Variants in PRTG observed in about 807,000 individuals in gnomAD.
PRTG encodes immunoglobulin superfamily, DCC subclass, member 5.
PRTG carries 67 observed loss-of-function variants against 122.5 expected under a neutral mutation model. The ratio of observed to expected loss-of-function variants is 0.55; its 90% confidence interval spans 0.45 to 0.67. The LOEUF is 0.67. PRTG is among the 30% of genes least tolerant of loss of function. PRTG has a pLI of 0.00. For synonymous variants in PRTG, 554 were observed against 501.1 expected (o/e 1.11, Z -1.41); for missense variants, 1,435 against 1,415.4 (o/e 1.01, Z -0.22).
chr15:55,669,117 G>C (rs1045401060), intron 11 of PRTG, among the ~76,000 whole-genome samples: 1 of 151,304 alleles, frequency 6.6e-6, no homozygotes, highest in African/African-American at 2.4e-5. Flanking sequence ...TTACCAAGGA[G>C]AGTATGTCCC....
At chr15:55,676,093 AAT>A (rs981165183) in intron 8 of PRTG, among the ~76,000 whole-genome samples, 1 of 152,112 alleles carries the variant, frequency 6.6e-6, no homozygotes, top group African/African-American at 2.4e-5. Context: ...TAGGGAATGT[AAT>A]GGCTCCACTC....
At chr15:55,724,314 TTCAA>T (rs1231507710) in intron 2 of PRTG, among the ~76,000 whole-genome samples, 17 of 152,208 alleles carry the variant, frequency 1.1e-4, no homozygotes, top group African/African-American at 4.1e-4. Context: ...TATTTCTCCC[TTCAA>T]TCAGTGTCAG....
rs1256033956 is a variant in PRTG, at chr15:55,612,853, T to C, written c.*7159A>G. On this transcript the variant is annotated 3_prime_UTR_variant, in exon 20 of 20. Coordinates refer to ENST00000389286, the MANE Select transcript of PRTG (RefSeq NM_173814.6). ...TCCACCTAACATATGAGTGTTTCCA[T>C]TTCAGCTATATCTTTTACCAACCAC... 2 of 151,522 alleles carry C rather than the reference T, an allele frequency of 1.3e-5. No individual in the cohort carries two copies. Among genetic ancestry groups the C allele is most frequent in the East Asian group, 3.8e-4 (2 of 5,202 alleles). 9.4% of individuals were successfully genotyped at this position (151,522 alleles called of 1,614,324 possible).
At chr15:55,625,507 A>G (rs1397030862) in intron 17 of PRTG, among the ~76,000 whole-genome samples, 2 of 151,606 alleles carry the variant, frequency 1.3e-5, no homozygotes, top group African/African-American at 4.9e-5. Context: ...GGTGGAGTGC[A>G]GTGCTACGAT....
chr15:55,677,581 A>G (rs2059509730), intron 8 of PRTG, among the ~76,000 whole-genome samples: 1 of 152,206 alleles, frequency 6.6e-6, no homozygotes, highest in Admixed American at 6.6e-5. Context: ...ATTGTTTCTA[A>G]ACAGAAAAAT....
chr15:55,664,722 G>A (rs1385789694), intron 11 of PRTG, among the ~76,000 whole-genome samples: 1 of 151,800 alleles, frequency 6.6e-6, no homozygotes, highest in Non-Finnish European at 1.5e-5. Context: ...GTGTATCTGG[G>A]ATCACAGGCA....
intron 2 of PRTG, among the ~76,000 whole-genome samples, chr15:55,735,988 G>C (rs1455556235): frequency 1.3e-5 from 2 of 152,154 alleles, no homozygotes; most frequent in Non-Finnish European, 2.9e-5. Flanking sequence ...CCAATTTTAA[G>C]TTAAACATAA....
intron 11 of PRTG, among the ~76,000 whole-genome samples, chr15:55,648,760 G>T (rs2059337462): frequency 6.6e-6 from 1 of 152,156 alleles, no homozygotes; most frequent in Non-Finnish European, 1.5e-5. Context: ...GGCTATCTTG[G>T]ATAAGTATTT....
chr15:55,717,121 C>A (rs2030629449), intron 2 of PRTG, among the ~76,000 whole-genome samples: 1 of 152,120 alleles, frequency 6.6e-6, no homozygotes, highest in Non-Finnish European at 1.5e-5. Context: ...CCTGATATCA[C>A]AAGAGATTTG....
chr15:55,720,971 C>A (rs1272281453), intron 2 of PRTG, among the ~76,000 whole-genome samples: 1 of 152,128 alleles, frequency 6.6e-6, no homozygotes, highest in Non-Finnish European at 1.5e-5. Flanking sequence ...ACCTAGACAT[C>A]CCACAGTCAC....
chr15:55,664,596 T>C (rs79290263), intron 11 of PRTG, among the ~76,000 whole-genome samples: 1,611 of 152,306 alleles, frequency 0.011, 9 homozygotes, highest in Non-Finnish European at 0.017. Context: ...TTTTTGTTTG[T>C]TTTTGAGACA....
intron 11 of PRTG, among the ~76,000 whole-genome samples, chr15:55,646,100 G>A (rs529379848): frequency 3.8e-4 from 57 of 151,368 alleles, no homozygotes; most frequent in African/African-American, 1.2e-3. Context: ...TCCTCCTCCC[G>A]CATTCAAGCA....
rs879481517 is a variant in PRTG, at chr15:55,629,403, G to T, written c.2624-399C>A. Among the ~76,000 whole-genome samples, 656 of 114,326 alleles carry T rather than the reference G, an allele frequency of 5.7e-3. 4 individuals carry two copies. The highest frequency in any genetic ancestry group is 7.5e-3 in the Non-Finnish European group (427 of 56,818). 75.0% of individuals were successfully genotyped at this position (114,326 alleles called of 152,430 possible). On this transcript the variant is annotated intron_variant, in intron 15 of 19. Coordinates refer to ENST00000389286, the MANE Select transcript of PRTG (RefSeq NM_173814.6). ...TGTGTGTGTGTGTGTGTGTGTGTGT[G>T]TGTGTGTGTGTGTGTGTGTGTGTGT...
rs1432502079 is a variant in PRTG at position 55,618,187 on chromosome 15, CT to C, written c.*1824del. The C allele has an allele frequency of 1.3e-5, 2 of 152,102 alleles. No homozygotes were observed. The highest frequency in any genetic ancestry group is 4.8e-5 in the African/African-American group (2 of 41,414). 9.4% of individuals were successfully genotyped at this position (152,102 alleles called of 1,614,324 possible). A position where few individuals can be genotyped will look rare whatever the true frequency, so the allele number is the denominator to read the frequency against. On this transcript the variant is annotated 3_prime_UTR_variant, in exon 20 of 20. Coordinates refer to ENST00000389286, the MANE Select transcript of PRTG (RefSeq NM_173814.6). ...TTCAGAAGTGGTTGCTGGCATTGAA[CT>C]TTAGTCTTAATCACATCCAGTTTGG...
chr15:55,645,482 G>C (rs1418204436), intron 11 of PRTG, among the ~76,000 whole-genome samples: 12 of 142,468 alleles, frequency 8.4e-5, no homozygotes, highest in African/African-American at 3.1e-4. Flanking sequence ...CCCTCAAATA[G>C]TGTTAAGATA....
At chr15:55,645,989 ACTC>A (rs2059320406) in intron 11 of PRTG, among the ~76,000 whole-genome samples, 1 of 151,552 alleles carries the variant, frequency 6.6e-6, no homozygotes, top group Admixed American at 6.6e-5. Flanking sequence ...CATAAAAATC[ACTC>A]CTCAATTTAT....
At chr15:55,709,977 T>C (rs1263610548) in intron 2 of PRTG, among the ~76,000 whole-genome samples, 1 of 152,122 alleles carries the variant, frequency 6.6e-6, no homozygotes, top group Non-Finnish European at 1.5e-5. Flanking sequence ...ACTTCAAATA[T>C]GTGCAGTTTA....
At chr15:55,730,765 A>G (rs1046381299) in intron 2 of PRTG, among the ~76,000 whole-genome samples, 4 of 152,274 alleles carry the variant, frequency 2.6e-5, no homozygotes. Flanking sequence ...GCGCCACTGC[A>G]CTCCAACCTG....
chr15:55,642,519 AAGAC>A (rs1011123999), intron 11 of PRTG, among the ~76,000 whole-genome samples: 4 of 151,582 alleles, frequency 2.6e-5, no homozygotes, highest in African/African-American at 9.7e-5. Context: ...TGAGGAGACT[AAGAC>A]AGGAGAATCG....
Sources: gnomAD v4.1 joint callset for allele counts (sites outside exome capture counted in the v4.1 genomes callset) on GRCh38, gnomAD v4.1.1 for gene constraint, MANE v1.5 for transcripts, NCBI Gene and HGNC (gene_info 2026-07-23, HGNC 2026-07-21) for gene names.